The following CACNA2D3 variants were observed in gnomAD, a reference collection of about 807,000 sequenced individuals.
CACNA2D3 encodes calcium voltage-gated channel auxiliary subunit alpha2delta 3, also known as voltage-dependent calcium channel subunit alpha-2/delta-3.
CACNA2D3 carries 60 observed loss-of-function variants against 160.6 expected under a neutral mutation model. The ratio of observed to expected loss-of-function variants is 0.37; its 90% CI spans 0.30 to 0.46. The LOEUF (loss-of-function observed/expected upper bound fraction) is 0.46, where lower values mean the gene tolerates loss of function less well. Ranked by LOEUF, CACNA2D3 falls within the 20% of genes least tolerant of loss-of-function variation. The pLI, the probability that CACNA2D3 is intolerant of heterozygous loss-of-function variation, is 1.00. For synonymous variants in CACNA2D3, 558 were observed against 492.9 expected (o/e 1.13, Z -1.75); for missense variants, 1,205 against 1,365.0 (o/e 0.88, Z 1.85).
At chr3:54,460,571 CTGTT>C (rs1333039577) in intron 4 of CACNA2D3, among the ~76,000 whole-genome samples, 2 of 152,162 alleles carry the variant, frequency 1.3e-5, no homozygotes, top group South Asian at 2.1e-4. Flanking sequence ...ATTTGGCTCT[CTGTT>C]TGTCCATTAT....
At position 54,325,341 on chromosome 3, in the gene CACNA2D3, G is replaced by C. The variant is rs146786314; in HGVS notation, c.321+4783G>C. On this transcript the variant is annotated intron_variant, in intron 3 of 37. Transcript: ENST00000474759. ...CTGAGATGAGCAGCACAAGAGAAAA[G>C]CAGATAAACCAGGAAATGACAAAAA... Among the ~76,000 whole-genome samples, 5 of 152,268 alleles carry C rather than the reference G, an allele frequency of 3.3e-5. No homozygotes were observed. The South Asian group carries it at 1.0e-3, about 32-fold the overall frequency.
intron 2 of CACNA2D3, among the ~76,000 whole-genome samples, chr3:54,245,842 T>A (rs1049208382): frequency 1.3e-5 from 2 of 152,236 alleles, no homozygotes; most frequent in Non-Finnish European, 2.9e-5. Flanking sequence ...CAAGAATGAT[T>A]ACTTTTAAAA....
chr3:54,196,564 G>A (rs1229578873), intron 2 of CACNA2D3, among the ~76,000 whole-genome samples: 1 of 152,204 alleles, frequency 6.6e-6, no homozygotes, highest in African/African-American at 2.4e-5. Flanking sequence ...ACTGACAAAC[G>A]GAATCTGGAA....
chr3:54,947,819 G>A lies in CACNA2D3; in HGVS notation c.2450-20631G>A, dbSNP rs1044276811. Among the ~76,000 whole-genome samples, 4 of 152,266 alleles carry A rather than the reference G, an allele frequency of 2.6e-5. 1 individual carries two copies. Among genetic ancestry groups the A allele is most frequent in the Admixed American group, 1.3e-4 (2 of 15,292 alleles). On this transcript the variant is annotated intron_variant, in intron 27 of 37. Coordinates refer to ENST00000474759, the MANE Select transcript of CACNA2D3 (RefSeq NM_018398.3). ...AATCATTGCAATGTTTGGGGATGTG[G>A]GTCAGGAAGCATCCATGTAAATGGT...
At chr3:55,040,715 T>C (rs1381387018) in intron 35 of CACNA2D3, among the ~76,000 whole-genome samples, 3 of 152,156 alleles carry the variant, frequency 2.0e-5, no homozygotes, top group Non-Finnish European at 4.4e-5. Context: ...GAAATACTTT[T>C]TGCTTTGTGG....
intron 2 of CACNA2D3, among the ~76,000 whole-genome samples, chr3:54,230,085 A>G (rs534194548): frequency 6.6e-6 from 1 of 152,290 alleles, no homozygotes; most frequent in South Asian, 2.1e-4. Flanking sequence ...TAAAACAAAA[A>G]GAAAAAAATA....
intron 28 of CACNA2D3, 22 bp downstream of exon 28, chr3:54,968,533 G>T (rs759179660): frequency 6.3e-7 from 1 of 1,588,430 alleles, no homozygotes; most frequent in Non-Finnish European, 8.6e-7. Context: ...TCAGCATCTT[G>T]AAGCATTAGC....
At chr3:54,296,936 C>A (rs1040285560) in intron 2 of CACNA2D3, among the ~76,000 whole-genome samples, 10 of 152,156 alleles carry the variant, frequency 6.6e-5, no homozygotes, top group Non-Finnish European at 1.0e-4. Context: ...ATGAACTCAG[C>A]GTCTTTGGAG....
intron 4 of CACNA2D3, among the ~76,000 whole-genome samples, chr3:54,488,060 C>T (rs562513864): frequency 3.9e-4 from 60 of 152,230 alleles, no homozygotes; most frequent in Non-Finnish European, 7.2e-4. Flanking sequence ...GAATAGGCTT[C>T]GAGGCAGGAT....
intron 12 of CACNA2D3, among the ~76,000 whole-genome samples, chr3:54,753,738 T>C (rs1701913215): frequency 6.6e-6 from 1 of 152,228 alleles, no homozygotes; most frequent in East Asian, 1.9e-4. Context: ...CTTCCTTTAA[T>C]TTTTTAACTA....
Position 54,821,074 on chromosome 3 carries a change from C to G in CACNA2D3, c.1398+4204C>G, listed in dbSNP as rs116657234. 8.4e-3 allele frequency among the ~76,000 whole-genome samples: 1,276 copies of G among 152,254 alleles called. 14 individuals carry two copies. The highest frequency in any genetic ancestry group is 0.028 in the African/African-American group (1,166 of 41,544). On this transcript the variant is annotated intron_variant, in intron 14 of 37. Coordinates refer to ENST00000474759, the MANE Select transcript of CACNA2D3 (RefSeq NM_018398.3). Reference sequence around the variant, plus strand: ...ATGAACGTGTCCAGACTCTGGTACCCTTTCCCTTCATTTTCTGCTGCATCC... The same window carrying G: ...ATGAACGTGTCCAGACTCTGGTACCGTTTCCCTTCATTTTCTGCTGCATCC...
chr3:54,438,753 T>C (rs1386146044), intron 4 of CACNA2D3, among the ~76,000 whole-genome samples: 1 of 152,202 alleles, frequency 6.6e-6, no homozygotes, highest in Non-Finnish European at 1.5e-5. Context: ...AAAGGGGTAA[T>C]TTAACAATCA....
intron 13 of CACNA2D3, among the ~76,000 whole-genome samples, chr3:54,774,700 T>C (rs1449576439): frequency 1.4e-5 from 2 of 143,294 alleles, no homozygotes; most frequent in African/African-American, 5.2e-5. Flanking sequence ...AGTGGTACGA[T>C]CTTGGCTCAC....
chr3:54,290,661 A>G (rs1007543147), intron 2 of CACNA2D3, among the ~76,000 whole-genome samples: 2 of 151,752 alleles, frequency 1.3e-5, no homozygotes, highest in Admixed American at 6.6e-5. Context: ...AACCAACCCA[A>G]ATGTCCAACA....
chr3:54,682,601 A>G (rs1373167925), intron 11 of CACNA2D3, among the ~76,000 whole-genome samples: 1 of 152,142 alleles, frequency 6.6e-6, no homozygotes, highest in Non-Finnish European at 1.5e-5. Flanking sequence ...ACAGAGTAAA[A>G]CTCTGACTCA....
At chr3:54,515,781 C>T (rs1373586352) in intron 5 of CACNA2D3, among the ~76,000 whole-genome samples, 1 of 152,196 alleles carries the variant, frequency 6.6e-6, no homozygotes, top group African/African-American at 2.4e-5. Flanking sequence ...GAAGAACATT[C>T]TGCACTTGGG....
chr3:54,658,290 A>C (rs1699908542), intron 11 of CACNA2D3, among the ~76,000 whole-genome samples: 1 of 152,212 alleles, frequency 6.6e-6, no homozygotes, highest in Non-Finnish European at 1.5e-5. Flanking sequence ...ACCAACTTAT[A>C]TTTCACCAAC....
At chr3:54,851,116 AG>A (rs1295123923) in intron 17 of CACNA2D3, among the ~76,000 whole-genome samples, 7 of 152,220 alleles carry the variant, frequency 4.6e-5, no homozygotes, top group Non-Finnish European at 8.8e-5. Flanking sequence ...TGTTGGTATT[AG>A]TATATTTTTC....
intron 2 of CACNA2D3, among the ~76,000 whole-genome samples, chr3:54,250,097 T>A (rs547319601): frequency 6.6e-6 from 1 of 152,332 alleles, no homozygotes; most frequent in East Asian, 1.9e-4. Context: ...GCCCATTTAG[T>A]GTCATTGCCG....
Sources: gnomAD v4.1 joint callset for allele counts (sites outside exome capture counted in the v4.1 genomes callset) on GRCh38, gnomAD v4.1.1 for gene constraint, MANE v1.5 for transcripts, NCBI Gene and HGNC (gene_info 2026-07-23, HGNC 2026-07-21) for gene names.